Variants in ZBBX observed in about 807,000 individuals in gnomAD.
The protein encoded by ZBBX is zinc finger B-box domain containing, also known as zinc finger B-box domain-containing protein 1.
A neutral mutation model predicts 108.5 loss-of-function variants in ZBBX; 101 were observed. That is an observed-to-expected ratio of 0.93 (90% CI 0.79 to 1.10). The LOEUF (loss-of-function observed/expected upper bound fraction) is 1.10, where lower values mean the gene tolerates loss of function less well. Among genes scored for constraint, ZBBX ranks in the 50% least tolerant of loss-of-function variants. The pLI is 0.00. For synonymous variants in ZBBX, 356 were observed against 323.4 expected (o/e 1.10, Z -1.08); for missense variants, 1,009 against 941.4 (o/e 1.07, Z -0.94).
chr3:167,313,552 G>T (rs1223665555), intron 16 of ZBBX, among the ~76,000 whole-genome samples: 1 of 151,934 alleles, frequency 6.6e-6, no homozygotes, highest in Non-Finnish European at 1.5e-5. Flanking sequence ...AAAATGCTGG[G>T]ATTACAAGCT....
At chr3:167,332,217 G>A (rs1016891565) in intron 10 of ZBBX, among the ~76,000 whole-genome samples, 4 of 151,790 alleles carry the variant, frequency 2.6e-5, no homozygotes, top group East Asian at 3.9e-4. Context: ...GTACTCTGTC[G>A]TATATAGCAG....
chr3:167,316,974 A>T, intron 14 of ZBBX, 31 bp downstream of exon 14: 1 of 1,331,272 alleles, frequency 7.5e-7, no homozygotes, highest in Non-Finnish European at 1.1e-6. Flanking sequence ...GTTAAAAATC[A>T]TGAATGGTCA....
chr3:167,362,111 A>T (rs1219457623), intron 6 of ZBBX, among the ~76,000 whole-genome samples: 1 of 152,116 alleles, frequency 6.6e-6, no homozygotes, highest in Non-Finnish European at 1.5e-5. Context: ...TGAACCAAGG[A>T]TACACATGCT....
chr3:167,225,096 G>A, the ZBBX span, among the ~76,000 whole-genome samples: 3 of 151,898 alleles, frequency 2.0e-5, no homozygotes, highest in African/African-American at 4.8e-5. Flanking sequence ...AAGGACAAAG[G>A]CAGTAAATTC....
chr3:167,285,840 T>G (rs896136854), intron 19 of ZBBX, among the ~76,000 whole-genome samples: 3 of 152,058 alleles, frequency 2.0e-5, no homozygotes, highest in African/African-American at 7.2e-5. Flanking sequence ...ACTCTACTAA[T>G]TGGAAAACAC....
intron 1 of ZBBX, among the ~76,000 whole-genome samples, chr3:167,391,302 T>C (rs1748078702): frequency 6.6e-6 from 1 of 152,156 alleles, no homozygotes; most frequent in African/African-American, 2.4e-5. Context: ...GATTTATATA[T>C]GTTGACCCAG....
chr3:167,196,994 A>C, the ZBBX span, among the ~76,000 whole-genome samples: 1 of 152,204 alleles, frequency 6.6e-6, no homozygotes, highest in African/African-American at 2.4e-5. Context: ...GGACAATGAC[A>C]GCAAAGGGAG....
Position 167,359,749 on chromosome 3 carries a change from G to A in ZBBX, c.432+121C>T, listed in dbSNP as rs80026906. Reference sequence around the variant, plus strand: ...CCACAGTAACAGTAATGAAGAAAAAGTATATGGCTACCAAGCAAGTTAAGT... The same window carrying A: ...CCACAGTAACAGTAATGAAGAAAAAATATATGGCTACCAAGCAAGTTAAGT... On this transcript the variant is annotated intron_variant, in intron 8 of 21. Transcript: ENST00000675490. The A allele has an allele frequency of 4.8e-3, 2,005 of 417,830 alleles. 37 individuals carry two copies. Among genetic ancestry groups the A allele is most frequent in the African/African-American group, 0.038 (1,869 of 48,596 alleles). 25.9% of individuals were successfully genotyped at this position (417,830 alleles called of 1,614,324 possible). A position where few individuals can be genotyped will look rare whatever the true frequency, so the allele number is the denominator to read the frequency against.
intron 17 of ZBBX, among the ~76,000 whole-genome samples, chr3:167,305,329 A>C (rs1275560762): frequency 1.3e-5 from 2 of 152,136 alleles, no homozygotes; most frequent in African/African-American, 4.8e-5. Context: ...ATTATACTGT[A>C]TTATTCATAA....
intron 6 of ZBBX, among the ~76,000 whole-genome samples, chr3:167,365,406 C>T (rs1380845668): frequency 3.3e-5 from 5 of 151,494 alleles, no homozygotes; most frequent in Admixed American, 3.3e-4. Context: ...AATTCTATAG[C>T]TGGGAAACTG....
intron 1 of ZBBX, among the ~76,000 whole-genome samples, chr3:167,387,038 T>G (rs1156602123): frequency 6.6e-6 from 1 of 151,996 alleles, no homozygotes; most frequent in African/African-American, 2.4e-5. Context: ...TTCAAAAGAT[T>G]TGTCACAACT....
the ZBBX span, among the ~76,000 whole-genome samples, chr3:167,223,383 G>A: frequency 6.6e-6 from 1 of 152,014 alleles, no homozygotes; most frequent in East Asian, 1.9e-4. Context: ...TTTCAATAAA[G>A]GAATAAAAAG....
At chr3:167,318,781 C>A (rs531663319) in intron 12 of ZBBX, among the ~76,000 whole-genome samples, 49 of 151,190 alleles carry the variant, frequency 3.2e-4, no homozygotes, top group African/African-American at 7.5e-4. Context: ...CAGTACCCCC[C>A]AAAAAAAATA....
the ZBBX span, among the ~76,000 whole-genome samples, chr3:167,184,529 T>G: frequency 6.6e-6 from 1 of 152,070 alleles, no homozygotes; most frequent in Admixed American, 6.6e-5. Flanking sequence ...AATGAAAACT[T>G]ATTTTCACAT....
At chr3:167,373,824 A>C (rs1184599610) in intron 2 of ZBBX, 37 bp from the exon 3 acceptor site, 2 of 152,238 alleles carry the variant, frequency 1.3e-5, no homozygotes, top group African/African-American at 4.8e-5. Flanking sequence ...GTGGTAGACG[A>C]CATGGAAGGG....
chr3:167,381,905 T>C (rs1311504399), upstream of ZBBX, among the ~76,000 whole-genome samples: 2 of 152,156 alleles, frequency 1.3e-5, no homozygotes, highest in Admixed American at 6.5e-5. Flanking sequence ...GAGTTCTGTT[T>C]TAGGGTAGAT....
chr3:167,192,204 T>C, the ZBBX span, among the ~76,000 whole-genome samples: 1 of 151,992 alleles, frequency 6.6e-6, no homozygotes, highest in Non-Finnish European at 1.5e-5. Flanking sequence ...CCCAGTGGGT[T>C]TTATACTTTC....
At chr3:167,302,496 C>A (rs1008929986) in intron 17 of ZBBX, among the ~76,000 whole-genome samples, 51 of 151,964 alleles carry the variant, frequency 3.4e-4, no homozygotes, top group Middle Eastern at 3.4e-3. Context: ...TTCCTCCCCC[C>A]ACCCCATGTT....
chr3:167,230,480 G>C, the ZBBX span, among the ~76,000 whole-genome samples: 2 of 151,806 alleles, frequency 1.3e-5, no homozygotes, highest in African/African-American at 2.4e-5. Context: ...GAGTGAAACA[G>C]TGAATGTCTC....
Sources: gnomAD v4.1 joint callset for allele counts (sites outside exome capture counted in the v4.1 genomes callset) on GRCh38, gnomAD v4.1.1 for gene constraint, MANE v1.5 for transcripts, NCBI Gene and HGNC (gene_info 2026-07-23, HGNC 2026-07-21) for gene names.